The following AFAP1 variants were observed in gnomAD, a reference collection of about 807,000 sequenced individuals.
AFAP1 encodes actin filament associated protein 1, also known as actin filament-associated protein 1.
In AFAP1, 75 loss-of-function variants were observed where a neutral mutation model predicts 93.9. The observed-to-expected ratio is 0.80, with a 90% CI of 0.66 to 0.97. The LOEUF (loss-of-function observed/expected upper bound fraction) is 0.97, where lower values mean the gene tolerates loss of function less well. Among genes scored for constraint, AFAP1 ranks in the 50% least tolerant of loss-of-function variants. The pLI is 0.00. For synonymous variants in AFAP1, 517 were observed against 430.7 expected (o/e 1.20, Z -2.48); for missense variants, 1,201 against 1,050.8 (o/e 1.14, Z -1.98).
intron 1 of AFAP1, among the ~76,000 whole-genome samples, chr4:7,887,926 A>AGGC (rs1718226032): frequency 6.6e-6 from 1 of 152,090 alleles, no homozygotes; most frequent in Non-Finnish European, 1.5e-5. Flanking sequence ...TCACAGGTTC[A>AGGC]AGCGATACTC....
At chr4:7,795,307 G>A (rs1240348319) in intron 10 of AFAP1, among the ~76,000 whole-genome samples, 2 of 149,268 alleles carry the variant, frequency 1.3e-5, no homozygotes, top group Non-Finnish European at 3.0e-5. Flanking sequence ...ATCAGTGTTT[G>A]CCAAATTAAA....
intron 1 of AFAP1, among the ~76,000 whole-genome samples, chr4:7,923,957 A>G (rs1209905228): frequency 2.0e-5 from 3 of 152,080 alleles, no homozygotes; most frequent in African/African-American, 7.3e-5. Context: ...CCTGTTAAAC[A>G]AACAACCAAA....
Position 7,885,200 on chromosome 4 carries a change from G to A in AFAP1, c.-2-13120C>T, listed in dbSNP as rs1001774801. Among the ~76,000 whole-genome samples the A allele has an allele frequency of 6.6e-5, 10 of 152,072 alleles. No individual in the cohort carries two copies. The East Asian group carries it at 1.9e-3, about 29-fold the overall frequency. ...CCTGTATAAAAATCTTAATTAACCT[G>A]GACTGTGCTTATTTTCTAGATTGTC... On this transcript the variant is annotated intron_variant, in intron 1 of 17. Transcript: ENST00000420658.
At chr4:7,783,802 C>T (rs919629894) in intron 12 of AFAP1, among the ~76,000 whole-genome samples, 1 of 152,174 alleles carries the variant, frequency 6.6e-6, no homozygotes, top group African/African-American at 2.4e-5. Context: ...GGTTCACAGT[C>T]ACAGGTTCGT....
chr4:7,822,586 CTTTTT>C (rs5855982), intron 6 of AFAP1, among the ~76,000 whole-genome samples: 29,018 of 132,540 alleles, frequency 0.22, 3,521 homozygotes, highest in Non-Finnish European at 0.3. Context: ...TTTCTTTTTT[CTTTTT>C]TTTTTTTTTT....
At chr4:7,885,467 A>G (rs1718091166) in intron 1 of AFAP1, among the ~76,000 whole-genome samples, 1 of 152,142 alleles carries the variant, frequency 6.6e-6, no homozygotes, top group African/African-American at 2.4e-5. Flanking sequence ...CCTCAGGCCG[A>G]CCATCACCGC....
chr4:7,891,649 C>G (rs1295928640), intron 1 of AFAP1, among the ~76,000 whole-genome samples: 1 of 147,146 alleles, frequency 6.8e-6, no homozygotes, highest in Non-Finnish European at 1.5e-5. Flanking sequence ...TGTGTTACAT[C>G]TTGATATTCA....
At chr4:7,931,389 G>GT (rs377262441) in intron 1 of AFAP1, among the ~76,000 whole-genome samples, 1 of 151,928 alleles carries the variant, frequency 6.6e-6, no homozygotes, top group East Asian at 1.9e-4. Context: ...AAGTGATATG[G>GT]TTTTTTGTTT....
rs750252438 is a variant in AFAP1, at chr4:7,761,239, A to C, written c.*2526T>G. 1.3e-5 allele frequency: 2 copies of C among 152,278 alleles called. No homozygotes were observed. The highest frequency in any genetic ancestry group is 2.9e-5 in the Non-Finnish European group (2 of 68,052). 9.4% of individuals were successfully genotyped at this position (152,278 alleles called of 1,614,324 possible). ...TTGATGGAATGTGAAATTTCAAGGG[A>C]GTATCCGCCATGGAAGGAACCCACT... On this transcript the variant is annotated 3_prime_UTR_variant, in exon 18 of 18. Coordinates refer to ENST00000420658, the MANE Select transcript of AFAP1 (RefSeq NM_001134647.2).
At position 7,772,838 on chromosome 4, in the gene AFAP1, T is replaced by G. The variant is rs62636594; in HGVS notation, c.2235A>C (p.Ser745=). ...CACACACCTGTGGACTCGATGTCCC[T>G]GACTTGGGCTCGATGGCCAGCCCCA... ...VTLGLAIEPK[S]GTSSPQSPVF... The change falls in exon 16 of 18, where the codon TCA becomes TCC. Residue 745 remains serine, a synonymous_variant. Transcript: ENST00000420658. 3.4e-3 allele frequency: 5,499 copies of G among 1,614,012 alleles called. 25 individuals carry two copies. The highest frequency in any genetic ancestry group is 4.3e-3 in the Non-Finnish European group (5,120 of 1,179,974).
chr4:7,882,977 G>A (rs1035527291), intron 1 of AFAP1, among the ~76,000 whole-genome samples: 5 of 151,956 alleles, frequency 3.3e-5, no homozygotes, highest in Non-Finnish European at 5.9e-5. Flanking sequence ...TTGAGCCAGC[G>A]AGTTTGAGAC....
chr4:7,808,547 A>AT (rs549027842), intron 9 of AFAP1, among the ~76,000 whole-genome samples: 118 of 151,690 alleles, frequency 7.8e-4, no homozygotes, highest in Middle Eastern at 3.4e-3. Flanking sequence ...GACTTACTGG[A>AT]TGAAAGACTG....
intron 8 of AFAP1, among the ~76,000 whole-genome samples, chr4:7,814,332 T>C (rs1720289455): frequency 6.6e-6 from 1 of 152,116 alleles, no homozygotes; most frequent in South Asian, 2.1e-4. Context: ...TACACCCCTA[T>C]TAAAATGGCT....
rs377612066 is a variant in AFAP1 at position 7,902,803 on chromosome 4, C to T, written c.-2-30723G>A. 2.8e-4 allele frequency among the ~76,000 whole-genome samples: 43 copies of T among 152,158 alleles called. No individual in the cohort carries two copies. In the East Asian group the frequency reaches 6.6e-3, roughly 23 times the overall value. On this transcript the variant is annotated intron_variant, in intron 1 of 17. Coordinates refer to ENST00000420658, the MANE Select transcript of AFAP1 (RefSeq NM_001134647.2). The stretch of plus-strand genomic sequence containing the variant: ...TGGGAGGGGCAGACAGGGACTCTAC[C>T]GCAGTGGCCTGGAGCGCTCCTGGGC...
chr4:7,897,334 G>T (rs184751345), intron 1 of AFAP1, among the ~76,000 whole-genome samples: 1 of 152,290 alleles, frequency 6.6e-6, no homozygotes, highest in East Asian at 1.9e-4. Flanking sequence ...TGTAAGAACT[G>T]TAGGCTCAAT....
intron 1 of AFAP1, among the ~76,000 whole-genome samples, chr4:7,925,394 G>A (rs529879296): frequency 3.4e-4 from 52 of 152,324 alleles, no homozygotes; most frequent in Non-Finnish European, 6.5e-4. Flanking sequence ...AGTTCATCCA[G>A]TACTTCATCT....
intron 6 of AFAP1, among the ~76,000 whole-genome samples, chr4:7,835,482 C>T (rs1712190651): frequency 4.4e-5 from 3 of 67,602 alleles, no homozygotes; most frequent in Admixed American, 2.6e-4. Context: ...ACCTGGGTGG[C>T]TCTTGAATGG....
intron 11 of AFAP1, among the ~76,000 whole-genome samples, chr4:7,787,474 T>C (rs771885638): frequency 1.3e-5 from 2 of 152,244 alleles, no homozygotes; most frequent in Non-Finnish European, 2.9e-5. Flanking sequence ...CCTGGACCTG[T>C]GACTGGCATC....
chr4:7,919,158 C>G (rs778916712), intron 1 of AFAP1, among the ~76,000 whole-genome samples: 1 of 152,186 alleles, frequency 6.6e-6, no homozygotes, highest in Non-Finnish European at 1.5e-5. Context: ...GCCCGGCCCC[C>G]GGAAAGGGAA....
Sources: allele counts gnomAD v4.1 joint callset (sites outside exome capture counted in the v4.1 genomes callset), GRCh38; gene constraint gnomAD v4.1.1; transcripts MANE v1.5; gene names NCBI Gene and HGNC (gene_info 2026-07-23, HGNC 2026-07-21).